RMDN2: variants seen among roughly 807,000 people sequenced by gnomAD.
RMDN2 encodes regulator of microtubule dynamics protein 2.
RMDN2 carries 61 observed loss-of-function variants against 52.8 expected under a neutral mutation model. That is an observed-to-expected ratio of 1.16 (90% CI 0.94 to 1.43). The LOEUF (loss-of-function observed/expected upper bound fraction) is 1.43. Ranked by LOEUF, RMDN2 falls within the 40% of genes most tolerant of loss-of-function variation. The pLI is 0.00. For synonymous variants in RMDN2, 180 were observed against 153.1 expected, an observed-to-expected ratio of 1.18 and a Z score of -1.30; for missense variants, 592 against 475.3, an observed-to-expected ratio of 1.25 and a Z score of -2.28.
chr2:38,049,233 A>T (rs1248333589), intron 10 of RMDN2, among the ~76,000 whole-genome samples: 1 of 152,174 alleles, frequency 6.6e-6, no homozygotes, highest in Admixed American at 6.5e-5. Context: ...TTCCTCCTCC[A>T]TGGGGCAGAA....
intron 2 of RMDN2, among the ~76,000 whole-genome samples, chr2:37,963,368 G>T (rs1314010114): frequency 8.7e-5 from 13 of 150,272 alleles, no homozygotes; most frequent in African/African-American, 3.2e-4. Context: ...CTCGGAGAGG[G>T]GGATTTGGCA....
intron 10 of RMDN2, among the ~76,000 whole-genome samples, chr2:38,024,192 A>G (rs1043327419): frequency 6.6e-6 from 1 of 152,168 alleles, no homozygotes; most frequent in African/African-American, 2.4e-5. Context: ...TCATCTATTG[A>G]TAGACATTTG....
intron 5 of RMDN2, among the ~76,000 whole-genome samples, chr2:37,982,273 T>C (rs2125103514): frequency 6.6e-6 from 1 of 152,324 alleles, no homozygotes; most frequent in South Asian, 2.1e-4. Context: ...CTTTTTTCAC[T>C]CTGCCACCAG....
At chr2:37,997,566 C>G in intron 8 of RMDN2, 52 bp downstream of exon 8, 2 of 1,118,682 alleles carry the variant, frequency 1.8e-6, no homozygotes, top group Non-Finnish European at 2.7e-6. Flanking sequence ...CCATCTGCAC[C>G]AATCCCTGCT....
intron 2 of RMDN2, among the ~76,000 whole-genome samples, chr2:37,942,983 G>A (rs1308935016): frequency 1.3e-5 from 2 of 152,218 alleles, no homozygotes; most frequent in East Asian, 1.9e-4. Flanking sequence ...CCATCCTGCA[G>A]CCAGATGCTA....
intron 10 of RMDN2, among the ~76,000 whole-genome samples, chr2:38,039,652 C>T (rs767238896): frequency 5.3e-5 from 8 of 152,156 alleles, no homozygotes; most frequent in Non-Finnish European, 1.0e-4. Context: ...TCTCTCACTC[C>T]CTTGCCAGAA....
chr2:37,953,304 A>G (rs553399399), intron 2 of RMDN2, among the ~76,000 whole-genome samples: 1 of 152,012 alleles, frequency 6.6e-6, no homozygotes, highest in Non-Finnish European at 1.5e-5. Context: ...AACTCTTTTC[A>G]TCTTGCAAAA....
At chr2:37,926,152 C>G (rs1209031927) in intron 1 of RMDN2, among the ~76,000 whole-genome samples, 1 of 152,164 alleles carries the variant, frequency 6.6e-6, no homozygotes, top group Non-Finnish European at 1.5e-5. Context: ...TTTGTCATAC[C>G]TTCCCCGAGT....
chr2:37,986,375 C>G (rs1302611191), intron 5 of RMDN2, among the ~76,000 whole-genome samples: 1 of 152,080 alleles, frequency 6.6e-6, no homozygotes, highest in African/African-American at 2.4e-5. Context: ...CTACCAAATA[C>G]TTAAGGAGAA....
chr2:38,051,006 G>A (rs963938356), intron 10 of RMDN2, among the ~76,000 whole-genome samples: 11 of 152,062 alleles, frequency 7.2e-5, no homozygotes, highest in African/African-American at 1.7e-4. Flanking sequence ...CAGGTGATCC[G>A]CCCATCTCAG....
At chr2:37,950,330 G>C (rs1315525394) in intron 2 of RMDN2, 1 of 919,388 alleles carries the variant, frequency 1.1e-6, no homozygotes, top group Non-Finnish European at 1.6e-6. Context: ...AGTGAAGGTA[G>C]AAACACATTC....
At chr2:37,976,041 A>G (rs1344693078) in intron 4 of RMDN2, among the ~76,000 whole-genome samples, 1 of 152,248 alleles carries the variant, frequency 6.6e-6, no homozygotes, top group African/African-American at 2.4e-5. Context: ...CCTGTAATGT[A>G]GAACTCTAGG....
intron 6 of RMDN2, among the ~76,000 whole-genome samples, chr2:37,990,736 C>A (rs1418306901): frequency 6.6e-6 from 1 of 152,004 alleles, no homozygotes; most frequent in African/African-American, 2.4e-5. Flanking sequence ...CAATACATAA[C>A]CCCTCAACGT....
chr2:37,937,460 A>G (rs1000907728), intron 2 of RMDN2, among the ~76,000 whole-genome samples: 1 of 152,214 alleles, frequency 6.6e-6, no homozygotes, highest in Non-Finnish European at 1.5e-5. Flanking sequence ...TCATGGGAAT[A>G]GCATTGAATC....
chr2:37,997,342 C>A (rs545965294), intron 7 of RMDN2, 74 bp from the exon 8 acceptor site: 6 of 897,544 alleles, frequency 6.7e-6, no homozygotes, highest in African/African-American at 1.6e-5. Context: ...AACACACACA[C>A]GTCTAACTGG....
chr2:37,984,597 C>T (rs1180656281), intron 5 of RMDN2, among the ~76,000 whole-genome samples: 1 of 152,130 alleles, frequency 6.6e-6, no homozygotes, highest in Non-Finnish European at 1.5e-5. Context: ...AGTATGCTGC[C>T]TCTGCTTTTT....
intron 3 of RMDN2, chr2:37,974,771 G>A (rs1233858654): frequency 6.1e-6 from 1 of 164,994 alleles, no homozygotes; most frequent in African/African-American, 2.4e-5. Flanking sequence ...AGCTCTCCAG[G>A]ATTATATTTA....
intron 8 of RMDN2, among the ~76,000 whole-genome samples, chr2:37,999,779 A>G (rs762697000): frequency 4.0e-4 from 61 of 152,086 alleles, no homozygotes; most frequent in Non-Finnish European, 7.2e-4. Flanking sequence ...GAGCGTTCAC[A>G]GGGGCCAGGA....
chr2:38,052,577 C>T (rs1412851751), intron 10 of RMDN2, among the ~76,000 whole-genome samples: 1 of 152,092 alleles, frequency 6.6e-6, no homozygotes, highest in East Asian at 1.9e-4. Flanking sequence ...CTTTTGGAGT[C>T]TTAGCCATAA....
Sources: gnomAD v4.1 joint callset for allele counts (sites outside exome capture counted in the v4.1 genomes callset) on GRCh38, gnomAD v4.1.1 for gene constraint, MANE v1.5 for transcripts, NCBI Gene and HGNC (gene_info 2026-07-23, HGNC 2026-07-21) for gene names.